STXBP5L: variants seen among roughly 807,000 people sequenced by gnomAD.
The protein encoded by STXBP5L is syntaxin binding protein 5L, also known as syntaxin-binding protein 5-like.
STXBP5L carries 65 observed loss-of-function variants against 144.5 expected under a neutral mutation model. That is an observed-to-expected ratio of 0.45 (90% CI 0.37 to 0.55). The LOEUF is 0.55. Ranked by LOEUF, STXBP5L falls within the 20% of genes least tolerant of loss-of-function variation. STXBP5L has a pLI of 0.00. For synonymous variants in STXBP5L, 505 were observed against 469.6 expected (o/e 1.08, Z -0.97); for missense variants, 1,298 against 1,405.5 (o/e 0.92, Z 1.22).
At chr3:121,303,082 G>T (rs1312910121) in intron 19 of STXBP5L, among the ~76,000 whole-genome samples, 2 of 152,116 alleles carry the variant, frequency 1.3e-5, no homozygotes, top group African/African-American at 4.8e-5. Flanking sequence ...ACTACCATCA[G>T]AGTGAACAGG....
intron 5 of STXBP5L, among the ~76,000 whole-genome samples, chr3:121,089,092 TAAAAAAAAA>T (rs375977537): frequency 1.8e-5 from 1 of 56,150 alleles, no homozygotes; most frequent in Admixed American, 2.8e-4. Flanking sequence ...TAGAGTATAA[TAAAAAAAAA>T]AAAAAAAAAA....
At chr3:121,100,430 A>G (rs78327946) in intron 5 of STXBP5L, among the ~76,000 whole-genome samples, 3 of 152,072 alleles carry the variant, frequency 2.0e-5, no homozygotes, top group African/African-American at 7.2e-5. Context: ...AAAAATAATC[A>G]ATACCAAGAT....
intron 3 of STXBP5L, among the ~76,000 whole-genome samples, chr3:120,993,763 G>A (rs1473902872): frequency 1.3e-5 from 2 of 151,880 alleles, no homozygotes; most frequent in Non-Finnish European, 2.9e-5. Context: ...TTTTTCTTTA[G>A]GATTGCTTTT....
chr3:121,190,306 T>G (rs928642460), intron 9 of STXBP5L, among the ~76,000 whole-genome samples: 1 of 152,176 alleles, frequency 6.6e-6, no homozygotes, highest in African/African-American at 2.4e-5. Flanking sequence ...AAGCACATCT[T>G]GCACCGCCCT....
At chr3:121,415,447 A>G (rs2047210963) in intron 24 of STXBP5L, among the ~76,000 whole-genome samples, 1 of 152,142 alleles carries the variant, frequency 6.6e-6, no homozygotes, top group African/African-American at 2.4e-5. Flanking sequence ...CCAACCTTCC[A>G]CATACCACCA....
chr3:121,301,545 C>T (rs1282068967), intron 19 of STXBP5L, among the ~76,000 whole-genome samples: 1 of 152,146 alleles, frequency 6.6e-6, no homozygotes, highest in Non-Finnish European at 1.5e-5. Context: ...ATTTCCTTCT[C>T]CTGCCTAATT....
intron 2 of STXBP5L, among the ~76,000 whole-genome samples, chr3:120,931,793 G>A (rs1041174150): frequency 1.3e-5 from 2 of 152,094 alleles, no homozygotes; most frequent in African/African-American, 4.8e-5. Flanking sequence ...GCAATCATCA[G>A]CCCAGAATAA....
intron 18 of STXBP5L, among the ~76,000 whole-genome samples, chr3:121,279,382 T>C (rs2050979798): frequency 1.3e-5 from 2 of 151,970 alleles, no homozygotes; most frequent in African/African-American, 2.4e-5. Flanking sequence ...AGATAATTAA[T>C]TTGGAGTCTA....
intron 14 of STXBP5L, among the ~76,000 whole-genome samples, chr3:121,244,157 G>C (rs943432669): frequency 6.6e-6 from 1 of 151,594 alleles, no homozygotes; most frequent in African/African-American, 2.4e-5. Context: ...AATACAAATA[G>C]AAAACTAAAC....
intron 4 of STXBP5L, among the ~76,000 whole-genome samples, chr3:121,044,057 A>G (rs867816493): frequency 5.9e-5 from 9 of 152,182 alleles, no homozygotes; most frequent in Non-Finnish European, 4.4e-5. Flanking sequence ...AAACAGGCAA[A>G]CAAACACAAA....
chr3:121,087,037 CA>C (rs2042532290), intron 5 of STXBP5L, among the ~76,000 whole-genome samples: 1 of 151,890 alleles, frequency 6.6e-6, no homozygotes, highest in Non-Finnish European at 1.5e-5. Context: ...CCATTGTACT[CA>C]GAGAAAATAT....
intron 20 of STXBP5L, among the ~76,000 whole-genome samples, chr3:121,319,013 A>G (rs2043881512): frequency 6.6e-6 from 1 of 152,198 alleles, no homozygotes; most frequent in Non-Finnish European, 1.5e-5. Context: ...AAACATCAAG[A>G]CAAAGTGTGC....
intron 22 of STXBP5L, among the ~76,000 whole-genome samples, chr3:121,395,161 A>G (rs2046697490): frequency 6.6e-6 from 1 of 152,210 alleles, no homozygotes; most frequent in Non-Finnish European, 1.5e-5. Context: ...TGACTGGCAA[A>G]CATTGAAAGA....
chr3:121,013,036 T>C (rs1484608049), intron 3 of STXBP5L, among the ~76,000 whole-genome samples: 1 of 151,990 alleles, frequency 6.6e-6, no homozygotes, highest in Non-Finnish European at 1.5e-5. Flanking sequence ...ATTCTTTTTT[T>C]TTATGGCTTC....
chr3:121,001,681 C>T (rs1943789942), intron 3 of STXBP5L, among the ~76,000 whole-genome samples: 1 of 152,160 alleles, frequency 6.6e-6, no homozygotes, highest in African/African-American at 2.4e-5. Flanking sequence ...CCAGGAGCTT[C>T]GTGGGGCCAG....
At chr3:120,969,107 G>A (rs1248841819) in intron 3 of STXBP5L, among the ~76,000 whole-genome samples, 1 of 152,038 alleles carries the variant, frequency 6.6e-6, no homozygotes, top group Admixed American at 6.6e-5. Flanking sequence ...GTTCTTTAAG[G>A]AACGTCTATA....
chr3:121,414,870 A>C (rs2047196778), intron 24 of STXBP5L, among the ~76,000 whole-genome samples: 2 of 152,226 alleles, frequency 1.3e-5, no homozygotes, highest in African/African-American at 4.8e-5. Flanking sequence ...TTCAGGAAGC[A>C]TAAGGATGGA....
chr3:120,943,766 A>C (rs1420077427), intron 2 of STXBP5L, among the ~76,000 whole-genome samples: 1 of 151,208 alleles, frequency 6.6e-6, no homozygotes. Flanking sequence ...GGCCCTTTGC[A>C]GCAGCCCATC....
intron 22 of STXBP5L, among the ~76,000 whole-genome samples, chr3:121,405,961 T>G (rs2046985501): frequency 6.6e-6 from 1 of 152,242 alleles, no homozygotes; most frequent in East Asian, 1.9e-4. Flanking sequence ...GTCAGCCATC[T>G]CTAAATCAAG....
Sources: allele counts gnomAD v4.1 joint callset (sites outside exome capture counted in the v4.1 genomes callset), GRCh38; gene constraint gnomAD v4.1.1; transcripts MANE v1.5; gene names NCBI Gene and HGNC (gene_info 2026-07-23, HGNC 2026-07-21).